Variants in EPB41L4A observed in about 807,000 individuals in gnomAD.
EPB41L4A encodes the protein band 4.1-like protein 4A.
A neutral mutation model predicts 108.6 loss-of-function variants in EPB41L4A; 100 were observed. The ratio of observed to expected loss-of-function variants is 0.92; its 90% CI spans 0.78 to 1.09. EPB41L4A has a LOEUF of 1.09. EPB41L4A is among the 50% of genes least tolerant of loss of function. The probability of loss-of-function intolerance (pLI) is 0.00; values close to 1 mark genes in which losing one functional copy is unlikely to be tolerated. For missense variants in EPB41L4A, 1,030 were observed against 842.7 expected, an observed-to-expected ratio of 1.22 and a Z score of -2.75; for synonymous variants, 319 against 289.0, an observed-to-expected ratio of 1.10 and a Z score of -1.05.
intron 2 of EPB41L4A, among the ~76,000 whole-genome samples, chr5:112,294,674 G>A (rs1391920928): frequency 6.6e-6 from 1 of 151,798 alleles, no homozygotes; most frequent in Non-Finnish European, 1.5e-5. Flanking sequence ...GGCAGGGGAG[G>A]CAGCACATAC....
At chr5:112,408,720 G>A (rs1455223022) in intron 1 of EPB41L4A, among the ~76,000 whole-genome samples, 1 of 20,128 alleles carries the variant, frequency 5.0e-5, no homozygotes, top group Admixed American at 6.6e-4. Flanking sequence ...AAAAAAAAAG[G>A]GCCAGTAAGC....
At chr5:112,167,468 T>G (rs1250847286) in intron 22 of EPB41L4A, among the ~76,000 whole-genome samples, 2 of 152,162 alleles carry the variant, frequency 1.3e-5, no homozygotes, top group Non-Finnish European at 2.9e-5. Context: ...GAGGCATTCA[T>G]TCTCTAGCTG....
chr5:112,242,177 C>T (rs1176239596), intron 9 of EPB41L4A, among the ~76,000 whole-genome samples: 1 of 152,206 alleles, frequency 6.6e-6, no homozygotes, highest in Non-Finnish European at 1.5e-5. Context: ...GATTTCTCTG[C>T]AGCACGTGAT....
chr5:112,251,983 C>T (rs1338180492), intron 9 of EPB41L4A, among the ~76,000 whole-genome samples: 3 of 152,180 alleles, frequency 2.0e-5, no homozygotes, highest in Non-Finnish European at 4.4e-5. Context: ...CAATTGTCCA[C>T]TTTAGTGGTC....
chr5:112,199,900 C>A (rs952885279), intron 15 of EPB41L4A, among the ~76,000 whole-genome samples: 2 of 152,162 alleles, frequency 1.3e-5, no homozygotes, highest in Admixed American at 1.3e-4. Flanking sequence ...AGGACTCGGA[C>A]AATAGCCTGC....
At chr5:112,186,668 G>T (rs1392952023) in intron 17 of EPB41L4A, among the ~76,000 whole-genome samples, 1 of 152,200 alleles carries the variant, frequency 6.6e-6, no homozygotes, top group African/African-American at 2.4e-5. Context: ...CACAACAGAA[G>T]CACATTTTCC....
At chr5:112,232,072 A>G (rs927974951) in intron 12 of EPB41L4A, among the ~76,000 whole-genome samples, 1 of 151,210 alleles carries the variant, frequency 6.6e-6, no homozygotes, top group Non-Finnish European at 1.5e-5. Flanking sequence ...TATGGCCACA[A>G]CACTGCATTC....
chr5:112,386,317 A>C (rs1425731859), intron 1 of EPB41L4A, among the ~76,000 whole-genome samples: 1 of 152,240 alleles, frequency 6.6e-6, no homozygotes, highest in Non-Finnish European at 1.5e-5. Flanking sequence ...ACTCCTGTCT[A>C]ATGCTAAATC....
At chr5:112,295,300 G>A (rs1753919061) in intron 2 of EPB41L4A, among the ~76,000 whole-genome samples, 1 of 152,156 alleles carries the variant, frequency 6.6e-6, no homozygotes, top group African/African-American at 2.4e-5. Context: ...TTGGGTAGAT[G>A]GTGTTGCCAT....
At chr5:112,251,960 A>C (rs1427113768) in intron 9 of EPB41L4A, among the ~76,000 whole-genome samples, 2 of 152,220 alleles carry the variant, frequency 1.3e-5, no homozygotes, top group Admixed American at 1.3e-4. Context: ...CATGTGGATG[A>C]AAGGACAGCA....
intron 21 of EPB41L4A, 54 bp downstream of exon 21, chr5:112,168,941 C>T: frequency 1.3e-6 from 2 of 1,509,032 alleles, no homozygotes; most frequent in Non-Finnish European, 1.8e-6. Flanking sequence ...TTCTTTTAGA[C>T]TGCACTGTTT....
At chr5:112,266,706 T>C (rs920426688) in intron 4 of EPB41L4A, among the ~76,000 whole-genome samples, 7 of 152,166 alleles carry the variant, frequency 4.6e-5, no homozygotes, top group Admixed American at 3.9e-4. Context: ...CCAAGCTCTT[T>C]TAAGCTATCA....
intron 1 of EPB41L4A, among the ~76,000 whole-genome samples, chr5:112,366,606 G>A (rs936771304): frequency 1.3e-5 from 2 of 152,018 alleles, no homozygotes; most frequent in African/African-American, 2.4e-5. Context: ...GGAGGACACC[G>A]AGAAATAAGC....
rs187842537 is a variant in EPB41L4A at position 112,183,781 on chromosome 5, C to A, written c.1622+235G>T. Among the ~76,000 whole-genome samples, 4 of 152,310 alleles carry A rather than the reference C, an allele frequency of 2.6e-5. No individual in the cohort carries two copies. In the East Asian group the frequency reaches 7.7e-4, roughly 29 times the overall value. On this transcript the variant is annotated intron_variant, in intron 18 of 22. Transcript: ENST00000261486. ...ATGTATACTTTGGTTAAAAACAACA[C>A]AAAACAAAAATATGGCTTTGAGGGC...
At chr5:112,229,184 TA>T (rs1315857729) in intron 12 of EPB41L4A, among the ~76,000 whole-genome samples, 4 of 152,200 alleles carry the variant, frequency 2.6e-5, no homozygotes, top group African/African-American at 9.6e-5. Flanking sequence ...CACGACTTTT[TA>T]AAAAATTATA....
intron 1 of EPB41L4A, among the ~76,000 whole-genome samples, chr5:112,338,080 C>G (rs779314382): frequency 6.6e-6 from 1 of 152,152 alleles, no homozygotes; most frequent in Non-Finnish European, 1.5e-5. Context: ...GCCTCTTACC[C>G]TCCAAAATGC....
intron 17 of EPB41L4A, among the ~76,000 whole-genome samples, chr5:112,188,966 C>A (rs1761556825): frequency 6.6e-6 from 1 of 152,212 alleles, no homozygotes; most frequent in Admixed American, 6.5e-5. Context: ...AAATTTCTCA[C>A]ACAGAAATGT....
chr5:112,348,330 T>C (rs1317437494), intron 1 of EPB41L4A, among the ~76,000 whole-genome samples: 6 of 152,188 alleles, frequency 3.9e-5, no homozygotes, highest in African/African-American at 1.4e-4. Flanking sequence ...CCTATAAACC[T>C]CTCAAAAGCC....
intron 17 of EPB41L4A, among the ~76,000 whole-genome samples, chr5:112,189,216 G>A (rs1426415301): frequency 6.6e-6 from 1 of 152,164 alleles, no homozygotes; most frequent in Admixed American, 6.5e-5. Context: ...AGATCCTGCA[G>A]GAACTTCAGA....
Sources: gnomAD v4.1 joint callset for allele counts (sites outside exome capture counted in the v4.1 genomes callset) on GRCh38, gnomAD v4.1.1 for gene constraint, MANE v1.5 for transcripts, NCBI Gene and HGNC (gene_info 2026-07-23, HGNC 2026-07-21) for gene names.